Variants in FOXP1 observed in about 807,000 individuals in gnomAD.
FOXP1 encodes the protein forkhead box P1.
Under a neutral mutation model 98.2 loss-of-function variants are expected in FOXP1, and 15 were observed. That is an observed-to-expected ratio of 0.15 (90% CI 0.10 to 0.24). The LOEUF (loss-of-function observed/expected upper bound fraction) is 0.24. Among genes scored for constraint, FOXP1 ranks in the 10% least tolerant of loss-of-function variants. The probability of loss-of-function intolerance (pLI) is 1.00; values close to 1 mark genes in which losing one functional copy is unlikely to be tolerated. For synonymous variants in FOXP1, 371 were observed against 314.5 expected (o/e 1.18, Z -1.90); for missense variants, 633 against 848.5 (o/e 0.75, Z 3.15).
intron 13 of FOXP1, among the ~76,000 whole-genome samples, chr3:70,992,843 C>A (rs919060073): frequency 3.3e-5 from 5 of 152,026 alleles, no homozygotes; most frequent in African/African-American, 1.2e-4. Flanking sequence ...AACCCAGAGA[C>A]TCTCTCTCTT....
intron 5 of FOXP1, among the ~76,000 whole-genome samples, chr3:71,208,867 TAAAC>T (rs757580468): frequency 3.3e-5 from 5 of 152,112 alleles, no homozygotes; most frequent in Non-Finnish European, 7.4e-5. Context: ...GAAGGCAAGA[TAAAC>T]AAACAGTCAT....
intron 3 of FOXP1, among the ~76,000 whole-genome samples, chr3:71,431,179 A>C (rs2084681407): frequency 6.6e-6 from 1 of 152,104 alleles, no homozygotes; most frequent in Non-Finnish European, 1.5e-5. Flanking sequence ...AGACAAAAGG[A>C]ATCCACTCTT....
At chr3:70,960,392 T>C (rs561969493) in intron 20 of FOXP1, among the ~76,000 whole-genome samples, 1 of 152,254 alleles carries the variant, frequency 6.6e-6, no homozygotes, top group Admixed American at 6.5e-5. Context: ...CTGCCAACTT[T>C]CTCATTATGG....
At chr3:71,535,918 C>T (rs2044254647) in intron 2 of FOXP1, among the ~76,000 whole-genome samples, 1 of 152,166 alleles carries the variant, frequency 6.6e-6, no homozygotes, top group African/African-American at 2.4e-5. Flanking sequence ...ACCTACAACA[C>T]CAAGGCTCCT....
intron 2 of FOXP1, among the ~76,000 whole-genome samples, chr3:71,549,257 T>A (rs1197976422): frequency 1.3e-5 from 2 of 152,170 alleles, no homozygotes; most frequent in African/African-American, 4.8e-5. Context: ...AATAACCTTC[T>A]CCCCTACCTA....
intron 2 of FOXP1, among the ~76,000 whole-genome samples, chr3:71,535,309 C>T (rs528932320): frequency 2.6e-5 from 4 of 152,100 alleles, no homozygotes; most frequent in African/African-American, 9.6e-5. Context: ...TGGAGGAGAA[C>T]TTAATAGGTC....
chr3:71,066,020 A>G (rs2107351542), intron 7 of FOXP1, among the ~76,000 whole-genome samples: 1 of 143,756 alleles, frequency 7.0e-6, no homozygotes, highest in Non-Finnish European at 1.5e-5. Context: ...CCCCACACAC[A>G]TTTTTATTCT....
intron 5 of FOXP1, among the ~76,000 whole-genome samples, chr3:71,199,608 C>G (rs951172415): frequency 6.6e-6 from 1 of 151,626 alleles, no homozygotes; most frequent in African/African-American, 2.4e-5. Flanking sequence ...GTCATGGTGA[C>G]AGGTGCCTCT....
intron 6 of FOXP1, among the ~76,000 whole-genome samples, chr3:71,152,977 AC>A (rs911004536): frequency 6.6e-6 from 1 of 152,042 alleles, no homozygotes; most frequent in Non-Finnish European, 1.5e-5. Context: ...TCCCTTCCCC[AC>A]CCATGTGTAC....
At chr3:71,550,730 T>C (rs1244722075) in intron 2 of FOXP1, among the ~76,000 whole-genome samples, 1 of 152,166 alleles carries the variant, frequency 6.6e-6, no homozygotes, top group African/African-American at 2.4e-5. Context: ...ACCCTTAAGA[T>C]CAGTCCATTA....
At chr3:71,258,162 G>A (rs2068795252) in intron 5 of FOXP1, among the ~76,000 whole-genome samples, 1 of 152,170 alleles carries the variant, frequency 6.6e-6, no homozygotes, top group Non-Finnish European at 1.5e-5. Context: ...CTAAAATACA[G>A]AGCAGACTTG....
At chr3:71,455,230 T>C (rs1184920596) in intron 3 of FOXP1, among the ~76,000 whole-genome samples, 1 of 151,148 alleles carries the variant, frequency 6.6e-6, no homozygotes, top group East Asian at 1.9e-4. Context: ...CGAGCACACA[T>C]CCCCCCCGCC....
chr3:71,331,219 A>G (rs2076276868), intron 4 of FOXP1, among the ~76,000 whole-genome samples: 1 of 152,080 alleles, frequency 6.6e-6, no homozygotes, highest in Non-Finnish European at 1.5e-5. Context: ...GCGGCCCCGC[A>G]CTTGGAGTGG....
At chr3:71,465,324 AAAG>A (rs398052612) in intron 3 of FOXP1, among the ~76,000 whole-genome samples, 81 of 67,720 alleles carry the variant, frequency 1.2e-3, no homozygotes, top group East Asian at 1.8e-3. Flanking sequence ...AAAAAAAAAA[AAAG>A]AAGAAGAAGA....
chr3:71,188,893 T>G (rs1228421147), intron 6 of FOXP1, among the ~76,000 whole-genome samples: 1 of 152,194 alleles, frequency 6.6e-6, no homozygotes, highest in African/African-American at 2.4e-5. Context: ...AATAGTTAAT[T>G]CAAGGGGAAC....
intron 5 of FOXP1, among the ~76,000 whole-genome samples, chr3:71,293,464 C>T (rs551428570): frequency 1.1e-3 from 171 of 151,308 alleles, no homozygotes; most frequent in Admixed American, 3.7e-3. Flanking sequence ...GGCAACACAG[C>T]CAGACCCCAT....
chr3:70,966,036 A>G lies in FOXP1; in HGVS notation c.1743T>C (p.Ser581=). ...AALQASMAEN[S]IPLYTTASMG... is the part of the protein sequence containing the mutation. Reference sequence around the variant, plus strand: ...TGGAAGCGGTAGTGTATAGAGGTATACTATTCTCAGCCATTGAAGCCTGTC... The same window carrying G: ...TGGAAGCGGTAGTGTATAGAGGTATGCTATTCTCAGCCATTGAAGCCTGTC... Residue 581 remains serine, a synonymous_variant, in exon 20 of 21, where the codon AGT becomes AGC. Transcript: ENST00000649528. 2 of 1,614,174 alleles carry G rather than the reference A, an allele frequency of 1.2e-6. No individual in the cohort carries two copies. Among genetic ancestry groups the G allele is most frequent in the Non-Finnish European group, 1.7e-6 (2 of 1,180,006 alleles).
intron 6 of FOXP1, among the ~76,000 whole-genome samples, chr3:71,183,198 G>A (rs1224429838): frequency 6.6e-6 from 1 of 151,938 alleles, no homozygotes; most frequent in Non-Finnish European, 1.5e-5. Flanking sequence ...ATGATGATAA[G>A]AATACCAAAA....
chr3:71,498,937 C>T (rs973589403), intron 2 of FOXP1, among the ~76,000 whole-genome samples: 3 of 152,176 alleles, frequency 2.0e-5, no homozygotes, highest in Admixed American at 2.0e-4. Flanking sequence ...CCCTGAAGAT[C>T]TAGGAAGGAG....
Sources: allele counts gnomAD v4.1 joint callset (sites outside exome capture counted in the v4.1 genomes callset), GRCh38; gene constraint gnomAD v4.1.1; transcripts MANE v1.5; gene names NCBI Gene and HGNC (gene_info 2026-07-23, HGNC 2026-07-21).